The following GALNT18 variants were observed in gnomAD, a reference collection of about 807,000 sequenced individuals.
The protein encoded by GALNT18 is polypeptide N-acetylgalactosaminyltransferase 18, also known as GalNAc-transferase 18.
A neutral mutation model predicts 69.5 loss-of-function variants in GALNT18; 44 were observed. That is an observed-to-expected ratio of 0.63 (90% CI 0.50 to 0.81). GALNT18 has a LOEUF of 0.81. Among genes scored for constraint, GALNT18 ranks in the 40% least tolerant of loss-of-function variants. The probability of loss-of-function intolerance (pLI) is 0.00; values close to 1 mark genes in which losing one functional copy is unlikely to be tolerated. For missense variants in GALNT18, 715 were observed against 810.0 expected (o/e 0.88, Z 1.42); for synonymous variants, 364 against 318.2 (o/e 1.14, Z -1.53).
At position 11,404,898 on chromosome 11, in the gene GALNT18, GC is replaced by G. The variant is rs1311501282; in HGVS notation, c.596-25635del. Among the ~76,000 whole-genome samples, 3 of 152,108 alleles carry G rather than the reference GC, an allele frequency of 2.0e-5. No homozygotes were observed. The highest frequency in any genetic ancestry group is 2.9e-5 in the Non-Finnish European group (2 of 68,030). On this transcript the variant is annotated intron_variant, in intron 3 of 10. Transcript: ENST00000227756. The surrounding 1 kb of genome is among the most constrained non-coding windows in gnomAD (Gnocchi z 4.5). Reference sequence around the variant, plus strand: ...ACCCGGACTCCACTCCCAGCCCATGGCCACCCAGGCCAATCATGTTTCCTAG... The same window carrying G: ...ACCCGGACTCCACTCCCAGCCCATGGCACCCAGGCCAATCATGTTTCCTAG...
At position 11,546,576 on chromosome 11, in the gene GALNT18, A is replaced by G. The variant is rs576335922; in HGVS notation, c.235+74783T>C. On this transcript the variant is annotated intron_variant, in intron 1 of 10. Coordinates refer to ENST00000227756, the MANE Select transcript of GALNT18 (RefSeq NM_198516.3). The surrounding 1 kb of genome is among the most constrained non-coding windows in gnomAD (Gnocchi z 5.8). ...GGCTCCCATTGCTCACTGGATAAAC[A>G]CAAAATCTTGACCGTGCCTTCGAAG... Among the ~76,000 whole-genome samples the G allele has an allele frequency of 6.6e-6, 1 of 152,302 alleles. No individual in the cohort carries two copies. Among genetic ancestry groups the G allele is most frequent in the South Asian group, 2.1e-4 (1 of 4,816 alleles).
At chr11:11,484,489 A>G (rs1856600236) in intron 1 of GALNT18, among the ~76,000 whole-genome samples, 1 of 148,052 alleles carries the variant, frequency 6.8e-6, no homozygotes, top group Admixed American at 6.9e-5. Flanking sequence ...GCTACTTAGG[A>G]GGCTGAGGCA....
intron 1 of GALNT18, among the ~76,000 whole-genome samples, chr11:11,462,257 C>T (rs1305314798): frequency 1.3e-5 from 2 of 151,352 alleles, no homozygotes; most frequent in East Asian, 1.9e-4. Flanking sequence ...CAGTGTGTGG[C>T]TGTGGCAAAG....
At position 11,497,361 on chromosome 11, in the gene GALNT18, CACACACACA is replaced by C. The variant is rs1856886247; in HGVS notation, c.236-48434_236-48426del. 3.3e-5 allele frequency among the ~76,000 whole-genome samples: 5 copies of C among 150,846 alleles called. No individual in the cohort carries two copies. Among genetic ancestry groups the C allele is most frequent in the Non-Finnish European group, 7.4e-5 (5 of 67,686 alleles). ...ACACACACACACACACACACACACA[CACACACACA>C]CCCCTTAGAATGGGGCTCCTTAAGA... On this transcript the variant is annotated intron_variant, in intron 1 of 10. Transcript: ENST00000227756. The surrounding 1 kb of genome is among the most constrained non-coding windows in gnomAD (Gnocchi z 4.2).
intron 1 of GALNT18, among the ~76,000 whole-genome samples, chr11:11,572,810 T>A (rs943142007): frequency 2.6e-5 from 4 of 152,118 alleles, no homozygotes; most frequent in African/African-American, 9.7e-5. Flanking sequence ...AAAAACACAA[T>A]GGCAGTAACA....
At chr11:11,298,650 G>A (rs1452514689) in intron 9 of GALNT18, among the ~76,000 whole-genome samples, 1 of 152,240 alleles carries the variant, frequency 6.6e-6, no homozygotes, top group African/African-American at 2.4e-5. Context: ...AGGTTGTCAC[G>A]CTGAGCTCTG....
At chr11:11,477,301 G>T (rs543056269) in intron 1 of GALNT18, among the ~76,000 whole-genome samples, 1 of 152,324 alleles carries the variant, frequency 6.6e-6, no homozygotes, top group African/African-American at 2.4e-5. Context: ...GACCAAAGGG[G>T]CAGGAACCAT....
intron 8 of GALNT18, among the ~76,000 whole-genome samples, chr11:11,331,454 C>A (rs1033328009): frequency 1.3e-5 from 2 of 152,142 alleles, no homozygotes; most frequent in Non-Finnish European, 2.9e-5. Flanking sequence ...ACATAGGGAG[C>A]ACTGAGCCCA....
chr11:11,394,355 A>G (rs1292313892), intron 3 of GALNT18, among the ~76,000 whole-genome samples: 1 of 152,190 alleles, frequency 6.6e-6, no homozygotes, highest in Admixed American at 6.5e-5. Context: ...GGCTGAGTGT[A>G]GGGATACAAA....
intron 10 of GALNT18, among the ~76,000 whole-genome samples, chr11:11,282,809 G>A (rs1296123071): frequency 1.3e-5 from 2 of 152,166 alleles, no homozygotes; most frequent in Admixed American, 1.3e-4. Flanking sequence ...ATATATCAGT[G>A]ACTAAACAGA....
chr11:11,434,596 C>G (rs561052705), intron 2 of GALNT18, among the ~76,000 whole-genome samples: 1 of 152,150 alleles, frequency 6.6e-6, no homozygotes, highest in Non-Finnish European at 1.5e-5. Context: ...GAAGGCCTCT[C>G]TGAGGAAGAG....
At chr11:11,418,149 G>A (rs1049302970) in intron 3 of GALNT18, among the ~76,000 whole-genome samples, 3 of 152,176 alleles carry the variant, frequency 2.0e-5, no homozygotes, top group African/African-American at 7.2e-5. Context: ...CCATGTTTCT[G>A]TCTCTGTTTC....
At chr11:11,552,155 G>A (rs1305914892) in intron 1 of GALNT18, among the ~76,000 whole-genome samples, 1 of 146,308 alleles carries the variant, frequency 6.8e-6, no homozygotes, top group Non-Finnish European at 1.5e-5. Context: ...AGGAAAAGGA[G>A]AAAGCAGCCA....
chr11:11,398,604 A>G (rs927522764), intron 3 of GALNT18, among the ~76,000 whole-genome samples: 1 of 152,236 alleles, frequency 6.6e-6, no homozygotes, highest in Non-Finnish European at 1.5e-5. Flanking sequence ...ATGAACACAT[A>G]CACAGTGCCT....
intron 6 of GALNT18, chr11:11,352,087 G>A (rs766100025): frequency 5.6e-6 from 9 of 1,613,738 alleles, no homozygotes; most frequent in South Asian, 1.1e-5. Context: ...CTGCTGACGG[G>A]CGTACTGCCC....
chr11:11,522,516 C>A (rs968683340), intron 1 of GALNT18, among the ~76,000 whole-genome samples: 6 of 152,170 alleles, frequency 3.9e-5, no homozygotes, highest in African/African-American at 1.4e-4. Flanking sequence ...CAGAAACACG[C>A]AGCCCTGCGT....
At chr11:11,419,487 C>T (rs2093978784) in intron 3 of GALNT18, among the ~76,000 whole-genome samples, 1 of 150,490 alleles carries the variant, frequency 6.6e-6, no homozygotes, top group Admixed American at 6.6e-5. Flanking sequence ...ATCCCAGCTA[C>T]TCAGGAGGCT....
At chr11:11,307,086 T>C (rs557793345) in intron 9 of GALNT18, among the ~76,000 whole-genome samples, 4 of 152,304 alleles carry the variant, frequency 2.6e-5, no homozygotes, top group South Asian at 2.1e-4. Flanking sequence ...TGAGCAGCAG[T>C]TGACCACAGA....
chr11:11,379,364 G>A (rs1853854194), intron 3 of GALNT18, 100 bp from the exon 4 acceptor site: 14 of 1,194,876 alleles, frequency 1.2e-5, no homozygotes, highest in Non-Finnish European at 1.7e-5. Flanking sequence ...CCAGAGAAAG[G>A]CTGGGGGACC....
Sources: allele counts gnomAD v4.1 joint callset (sites outside exome capture counted in the v4.1 genomes callset), GRCh38; gene constraint gnomAD v4.1.1; non-coding constraint Gnocchi (gnomAD v3.1); transcripts MANE v1.5; gene names NCBI Gene and HGNC (gene_info 2026-07-23, HGNC 2026-07-21).